Variants in SGCE observed in about 807,000 individuals in gnomAD.
SGCE encodes the protein epsilon-sarcoglycan.
Under a neutral mutation model 57.8 loss-of-function variants are expected in SGCE, and 26 were observed. The ratio of observed to expected loss-of-function variants is 0.45; its 90% confidence interval spans 0.33 to 0.62. SGCE has a LOEUF of 0.62. SGCE is among the 20% of genes least tolerant of loss of function. The probability of loss-of-function intolerance (pLI) is 0.02; values close to 1 mark genes in which losing one functional copy is unlikely to be tolerated. For synonymous variants in SGCE, 183 were observed against 189.5 expected (o/e 0.97, Z 0.28); for missense variants, 468 against 548.6 (o/e 0.85, Z 1.47).
chr7:94,654,455 A>T (rs1808308559), intron 1 of SGCE, among the ~76,000 whole-genome samples: 2 of 152,208 alleles, frequency 1.3e-5, no homozygotes, highest in Admixed American at 1.3e-4. Context: ...CCAGAACAGT[A>T]CTCTACCAAG....
intron 5 of SGCE, among the ~76,000 whole-genome samples, chr7:94,604,858 T>TATATATAA (rs1491355835): frequency 4.4e-4 from 33 of 75,200 alleles, no homozygotes; most frequent in Middle Eastern, 9.1e-3. Context: ...TATATATATA[T>TATATATAA]AATAGTTGTT....
intron 5 of SGCE, among the ~76,000 whole-genome samples, chr7:94,611,259 A>T (rs1800977179): frequency 6.6e-6 from 1 of 152,206 alleles, no homozygotes; most frequent in Admixed American, 6.5e-5. Flanking sequence ...TCATCAACTT[A>T]TAAATGGATA....
chr7:94,625,020 T>G (rs186214634), intron 3 of SGCE: 18 of 152,168 alleles, frequency 1.2e-4, no homozygotes, highest in Non-Finnish European at 2.4e-4. Flanking sequence ...AATGAGACAT[T>G]TAACTGCTGT....
At position 94,598,796 on chromosome 7, in the gene SGCE, A is replaced by G. The variant is rs1227856777; in HGVS notation, c.1232T>C (p.Met411Thr). The G allele has an allele frequency of 6.2e-7, 1 of 1,612,722 alleles. No homozygotes were observed. Among genetic ancestry groups the G allele is most frequent in the Admixed American group, 1.7e-5 (1 of 60,018 alleles). ...LHTDNYDSTN[M>T]PLMQTQQNLP... ...TTACTGCTGCGTTTGCATCAATGGC[A>G]TGTTTGTGCTATCATAGTTGTCTGT... The change falls in exon 9 of 11, where the codon ATG becomes ACG. Residue 411 changes from methionine to threonine, a missense_variant. Met to Thr is a moderately conservative substitution (Grantham distance 81, BLOSUM62 -1). Coordinates refer to ENST00000648936, the MANE Select transcript of SGCE (RefSeq NM_003919.3).
At chr7:94,631,047 A>G (rs1804633797) in intron 1 of SGCE, among the ~76,000 whole-genome samples, 1 of 152,002 alleles carries the variant, frequency 6.6e-6, no homozygotes. Context: ...CAGATTTACT[A>G]CTAAAAACAT....
At chr7:94,630,542 A>G (rs1201681192) in intron 1 of SGCE, among the ~76,000 whole-genome samples, 1 of 151,968 alleles carries the variant, frequency 6.6e-6, no homozygotes, top group Non-Finnish European at 1.5e-5. Flanking sequence ...AGGCAAAATA[A>G]TTTAAGTGAA....
chr7:94,646,323 C>T (rs189130379), intron 1 of SGCE, among the ~76,000 whole-genome samples: 2 of 152,260 alleles, frequency 1.3e-5, no homozygotes, highest in Admixed American at 6.5e-5. Flanking sequence ...GAAAGTTAAA[C>T]GTTCAATATA....
At chr7:94,603,591 A>G (rs1325819374) in intron 5 of SGCE, 139 bp from the exon 6 acceptor site, 3 of 735,234 alleles carry the variant, frequency 4.1e-6, no homozygotes, top group African/African-American at 1.8e-5. Flanking sequence ...CCTCGGCTCT[A>G]AAAACAATGA....
At chr7:94,611,158 A>G (rs1800961341) in intron 5 of SGCE, among the ~76,000 whole-genome samples, 1 of 152,242 alleles carries the variant, frequency 6.6e-6, no homozygotes, top group African/African-American at 2.4e-5. Context: ...TATACTTCAG[A>G]AAAATGAAAA....
At chr7:94,655,037 A>G (rs1808395747) in intron 1 of SGCE, among the ~76,000 whole-genome samples, 1 of 152,252 alleles carries the variant, frequency 6.6e-6, no homozygotes, top group South Asian at 2.1e-4. Flanking sequence ...TTTCCCTGAC[A>G]TAAAATATAT....
chr7:94,605,334 A>G (rs1320755573), intron 5 of SGCE, among the ~76,000 whole-genome samples: 1 of 151,174 alleles, frequency 6.6e-6, no homozygotes, highest in Admixed American at 6.6e-5. Context: ...TCAGATCTAC[A>G]TAAAGAAAAG....
chr7:94,607,545 A>G (rs1429493068), intron 5 of SGCE, among the ~76,000 whole-genome samples: 1 of 152,196 alleles, frequency 6.6e-6, no homozygotes, highest in African/African-American at 2.4e-5. Context: ...AAGAAGAAAA[A>G]TCACATGACA....
At chr7:94,613,212 T>C (rs1801332937) in intron 5 of SGCE, among the ~76,000 whole-genome samples, 1 of 152,224 alleles carries the variant, frequency 6.6e-6, no homozygotes, top group Non-Finnish European at 1.5e-5. Context: ...TGGCTTCTTT[T>C]GTAGAATCAC....
chr7:94,650,750 A>G (rs1807763899), intron 1 of SGCE, among the ~76,000 whole-genome samples: 1 of 152,246 alleles, frequency 6.6e-6, no homozygotes, highest in South Asian at 2.1e-4. Flanking sequence ...TTGAGCTGCA[A>G]TGTTAGGAAG....
chr7:94,599,002 CAT>C, intron 8 of SGCE, 39 bp from the exon 9 acceptor site: 1 of 1,473,532 alleles, frequency 6.8e-7, no homozygotes, highest in Admixed American at 1.7e-5. Flanking sequence ...TATTTAAAAT[CAT>C]ATATTAGCCT....
chr7:94,653,936 G>C (rs1025768555), intron 1 of SGCE, among the ~76,000 whole-genome samples: 1 of 151,804 alleles, frequency 6.6e-6, no homozygotes, highest in South Asian at 2.1e-4. Flanking sequence ...ACATTTAAAG[G>C]CTCTTTGGAA....
At chr7:94,586,061 GAAA>G (rs780812386) in intron 10 of SGCE, among the ~76,000 whole-genome samples, 13 of 28,904 alleles carry the variant, frequency 4.5e-4, no homozygotes, top group African/African-American at 1.7e-3. Context: ...GGAACTAAAT[GAAA>G]AAAAAAAAAA....
chr7:94,600,671 T>C lies in SGCE; in HGVS notation c.1012A>G (p.Ile338Val). The C allele has an allele frequency of 2.5e-6, 4 of 1,613,644 alleles. No individual in the cohort carries two copies. The highest frequency in any genetic ancestry group is 1.7e-5 in the Admixed American group (1 of 59,964). The stretch of plus-strand genomic sequence containing the variant: ...ACGCCTTCCCGTCGGCAGCACATGA[T>C]ATAAGCAAGTATTAGAAAAAGGACC... ...ALVLFLILAY[I>V]MCCRREGVEK... is the part of the protein sequence containing the mutation. Residue 338 changes from isoleucine to valine, a missense_variant, in exon 7 of 11, where the codon ATC becomes GTC. Coordinates refer to ENST00000648936, the MANE Select transcript of SGCE (RefSeq NM_003919.3).
chr7:94,592,743 C>T (rs910138798), intron 9 of SGCE, among the ~76,000 whole-genome samples: 10 of 151,920 alleles, frequency 6.6e-5, no homozygotes, highest in Non-Finnish European at 1.0e-4. Context: ...TACCCTATAC[C>T]GTAATTCTGT....
Sources: allele counts gnomAD v4.1 joint callset (sites outside exome capture counted in the v4.1 genomes callset), GRCh38; gene constraint gnomAD v4.1.1; transcripts MANE v1.5; gene names NCBI Gene and HGNC (gene_info 2026-07-23, HGNC 2026-07-21).